Variants in ASB4 observed in about 807,000 individuals in gnomAD.
The protein encoded by ASB4 is ankyrin repeat and SOCS box protein 4.
Under a neutral mutation model 38.6 loss-of-function variants are expected in ASB4, and 35 were observed. The ratio of observed to expected loss-of-function variants is 0.91; its 90% CI spans 0.69 to 1.20. ASB4 has a LOEUF of 1.20. Ranked by LOEUF, ASB4 falls within the 50% of genes most tolerant of loss-of-function variation. The pLI is 0.00. For missense variants in ASB4, 557 were observed against 527.2 expected, an observed-to-expected ratio of 1.06 and a Z score of -0.55; for synonymous variants, 195 against 201.3, an observed-to-expected ratio of 0.97 and a Z score of 0.26.
chr7:95,494,234 G>T (rs1017992182), intron 1 of ASB4, among the ~76,000 whole-genome samples: 1 of 152,202 alleles, frequency 6.6e-6, no homozygotes, highest in Non-Finnish European at 1.5e-5. Flanking sequence ...GCACCCTCTA[G>T]TAGTTCATCA....
At chr7:95,550,567 C>T in the ASB4 span, among the ~76,000 whole-genome samples, 1 of 152,186 alleles carries the variant, frequency 6.6e-6, no homozygotes, top group Non-Finnish European at 1.5e-5. Context: ...AAAATTATTG[C>T]TGGAGCTCGC....
At chr7:95,542,896 T>A (rs1790989518), downstream of ASB4, 1 of 152,212 alleles carries the variant, frequency 6.6e-6, no homozygotes. Context: ...ATAGCCACCT[T>A]GTATTTCTTA....
upstream of ASB4, among the ~76,000 whole-genome samples, chr7:95,477,696 T>G (rs117601773): frequency 0.014 from 2,058 of 152,206 alleles, 64 homozygotes; most frequent in Admixed American, 0.055. Flanking sequence ...TCAGTACTTT[T>G]TTTCTTAAAT....
chr7:95,472,754 G>A, the ASB4 span, among the ~76,000 whole-genome samples: 3 of 152,172 alleles, frequency 2.0e-5, no homozygotes, highest in African/African-American at 4.8e-5. Flanking sequence ...GTTAACCTCA[G>A]CTGGATTTGC....
At chr7:95,485,715 G>A (rs1282500540), upstream of ASB4, among the ~76,000 whole-genome samples, 2 of 152,026 alleles carry the variant, frequency 1.3e-5, no homozygotes, top group Non-Finnish European at 2.9e-5. Context: ...AATGTATCAC[G>A]GGGGCTTTCG....
At chr7:95,481,814 A>C (rs1256170527), upstream of ASB4, among the ~76,000 whole-genome samples, 2 of 152,208 alleles carry the variant, frequency 1.3e-5, no homozygotes, top group Non-Finnish European at 2.9e-5. Flanking sequence ...AGGTCTTCAT[A>C]CTATTTCAAG....
At chr7:95,543,324 G>C (rs2116668078), downstream of ASB4, 1 of 152,348 alleles carries the variant, frequency 6.6e-6, no homozygotes, top group South Asian at 2.1e-4. Context: ...GGGAAGATCG[G>C]CAGAAGATTG....
chr7:95,521,148 A>T (rs183533381), intron 2 of ASB4, among the ~76,000 whole-genome samples: 1 of 152,254 alleles, frequency 6.6e-6, no homozygotes, highest in East Asian at 1.9e-4. Context: ...TTCAATAAAA[A>T]TTTTATCATT....
At chr7:95,482,929 G>A (rs761066510), upstream of ASB4, among the ~76,000 whole-genome samples, 53 of 152,120 alleles carry the variant, frequency 3.5e-4, no homozygotes, top group Non-Finnish European at 6.5e-4. Context: ...TGAGGTTAGC[G>A]GCTCAGCATT....
rs188981125 is a variant in ASB4, at chr7:95,537,595, C to T, written c.1117C>T (p.Leu373Phe). Reference sequence around the variant, plus strand: ...GAAATACTGGGATTTTTACCACTCTCTCTTTACTGTGTGCTGTAACTCTCC... The same window carrying T: ...GAAATACTGGGATTTTTACCACTCTTTCTTTACTGTGTGCTGTAACTCTCC... ...LEKYWDFYHS[L>F]FTVCCNSPRT... Residue 373 changes from leucine (L) to phenylalanine (F), a missense_variant, in exon 5 of 5, where the codon CTC becomes TTC. Leu to Phe is a conservative substitution (Grantham distance 22). Coordinates refer to ENST00000325885, the MANE Select transcript of ASB4 (RefSeq NM_016116.3). 5 of 1,608,876 alleles carry T rather than the reference C, an allele frequency of 3.1e-6. No individual in the cohort carries two copies. In the African/African-American group the frequency reaches 6.7e-5, roughly 22 times the overall value.
intron 2 of ASB4, among the ~76,000 whole-genome samples, chr7:95,525,627 A>G (rs563955195): frequency 3.9e-5 from 6 of 152,300 alleles, no homozygotes; most frequent in African/African-American, 1.4e-4. Flanking sequence ...TAAGAATTTC[A>G]TCCTGACCCT....
chr7:95,543,385 T>G (rs1331867372), downstream of ASB4: 1 of 55,588 alleles, frequency 1.8e-5, no homozygotes, highest in African/African-American at 4.3e-5. Flanking sequence ...CCTTAATTAG[T>G]TTCTTTTCAG....
intron 4 of ASB4, among the ~76,000 whole-genome samples, chr7:95,537,241 T>A (rs1790900866): frequency 6.6e-6 from 1 of 152,208 alleles, no homozygotes; most frequent in African/African-American, 2.4e-5. Context: ...AATCCTTCAC[T>A]TCCATTAAAT....
Position 95,508,682 on chromosome 7 carries a change from G to A in ASB4, c.487+12625G>A, listed in dbSNP as rs1395949597. 3.9e-5 allele frequency among the ~76,000 whole-genome samples: 6 copies of A among 152,104 alleles called. No individual in the cohort carries two copies. The East Asian group carries it at 7.7e-4, about 20-fold the overall frequency. ...AGATAATTGGGCTCACGCAGGTTTA[G>A]GGTCACTCATAATGGCCCCAGATAG... On this transcript the variant is annotated intron_variant, in intron 2 of 4. Coordinates refer to ENST00000325885, the MANE Select transcript of ASB4 (RefSeq NM_016116.3).
chr7:95,480,909 T>C (rs1431310841), upstream of ASB4, among the ~76,000 whole-genome samples: 1 of 152,222 alleles, frequency 6.6e-6, no homozygotes, highest in African/African-American at 2.4e-5. Context: ...GGGCTAAATG[T>C]GAGCTGATTT....
chr7:95,477,143 C>T (rs748113428), upstream of ASB4, among the ~76,000 whole-genome samples: 5 of 151,806 alleles, frequency 3.3e-5, no homozygotes, highest in Non-Finnish European at 7.4e-5. Flanking sequence ...GCTGTTCTTC[C>T]GGGTTCATTT....
intron 3 of ASB4, chr7:95,528,774 A>G (rs1007617190): frequency 1.2e-6 from 1 of 839,210 alleles, no homozygotes; most frequent in Non-Finnish European, 1.4e-6. Context: ...TTTATTATGT[A>G]TAATAAATAA....
chr7:95,476,371 A>G (rs1562805660), upstream of ASB4, among the ~76,000 whole-genome samples: 2 of 152,232 alleles, frequency 1.3e-5, no homozygotes, highest in African/African-American at 4.8e-5. Context: ...ATTCTCTTGC[A>G]GGTGACTGAC....
chr7:95,513,101 C>A (rs73235071), intron 2 of ASB4, among the ~76,000 whole-genome samples: 37,172 of 151,782 alleles, frequency 0.24, 5,631 homozygotes, highest in East Asian at 0.66. Flanking sequence ...TTCTACCCAC[C>A]ATTGTTAGCT....
Sources: gnomAD v4.1 joint callset for allele counts (sites outside exome capture counted in the v4.1 genomes callset) on GRCh38, gnomAD v4.1.1 for gene constraint, MANE v1.5 for transcripts, NCBI Gene and HGNC (gene_info 2026-07-23, HGNC 2026-07-21) for gene names.